SPTB: variants seen among roughly 807,000 people sequenced by gnomAD.
SPTB encodes the protein spectrin beta, erythrocytic, also known as spectrin beta chain, erythrocytic.
In SPTB, 45 loss-of-function variants were observed where a neutral mutation model predicts 256.2. The ratio of observed to expected loss-of-function variants is 0.18; its 90% CI spans 0.14 to 0.23. The LOEUF (loss-of-function observed/expected upper bound fraction) is 0.23, where lower values mean the gene tolerates loss of function less well. SPTB is among the 10% of genes least tolerant of loss of function. SPTB has a pLI of 1.00. For missense variants in SPTB, 2,715 were observed against 3,040.4 expected (o/e 0.89, Z 2.52); for synonymous variants, 1,231 against 1,243.1 (o/e 0.99, Z 0.21).
rs774849809 is a variant in SPTB at position 64,753,601 on chromosome 14, G to A, written c.6538C>T (p.Gln2180Ter). The A allele has an allele frequency of 6.2e-7, 1 of 1,613,646 alleles. No individual in the cohort carries two copies. Among genetic ancestry groups the A allele is most frequent in the Non-Finnish European group, 8.5e-7 (1 of 1,180,032 alleles). ...PAPRDHGQSV[Q>*]MEGYLGRKHD... ...TTGCGGCCCAGGTAGCCTTCCATCT[G>A]CACACTCTGCCCATGGTCCCGCGGG... is the stretch of plus-strand genomic sequence containing the variant. The change falls in exon 33 of 36, where the codon CAG becomes TAG. Residue 2180 changes from glutamine to a stop codon, truncating the protein, a stop_gained. Transcript: ENST00000644917. LOFTEE classifies it high-confidence loss of function.
intron 1 of SPTB, among the ~76,000 whole-genome samples, chr14:64,858,784 G>A (rs2083913630): frequency 6.6e-6 from 1 of 152,142 alleles, no homozygotes; most frequent in Non-Finnish European, 1.5e-5. Flanking sequence ...TGTCAGGAGA[G>A]CATCAGGGGA....
intron 27 of SPTB, among the ~76,000 whole-genome samples, chr14:64,770,567 C>A (rs77587730): frequency 0.058 from 8,758 of 152,254 alleles, 287 homozygotes; most frequent in Non-Finnish European, 0.083. Context: ...TAGACCTGCC[C>A]AGCTTTGGAT....
At chr14:64,762,249 C>T (rs1010998168) in intron 32 of SPTB, among the ~76,000 whole-genome samples, 2 of 152,218 alleles carry the variant, frequency 1.3e-5, no homozygotes, top group Non-Finnish European at 2.9e-5. Flanking sequence ...ATAGGATTTG[C>T]ATTCACTGCA....
At chr14:64,876,628 ATAAC>A (rs1174888498) in intron 1 of SPTB, among the ~76,000 whole-genome samples, 1 of 152,212 alleles carries the variant, frequency 6.6e-6, no homozygotes, top group Non-Finnish European at 1.5e-5. Context: ...CGTAATGTGT[ATAAC>A]TATTGTTTTA....
rs1406752729 is a variant in SPTB at position 64,759,129 on chromosome 14, C to T, written c.6346-5336G>A. Among the ~76,000 whole-genome samples, 3 of 152,180 alleles carry T rather than the reference C, an allele frequency of 2.0e-5. No homozygotes were observed. The highest frequency in any genetic ancestry group is 2.0e-4 in the Admixed American group (3 of 15,276). ...TCAGTGACGGGCTGAGATTAGAGCACACAGCAAGTCAGTAGCAGAGCTGAG... is the reference window on the plus strand; with the variant it reads ...TCAGTGACGGGCTGAGATTAGAGCATACAGCAAGTCAGTAGCAGAGCTGAG... On this transcript the variant is annotated intron_variant, in intron 32 of 35. Coordinates refer to ENST00000644917, the MANE Select transcript of SPTB (RefSeq NM_001355436.2). The surrounding 1 kb of genome is among the most constrained non-coding windows in gnomAD (Gnocchi z 4.8).
At chr14:64,834,088 G>T (rs540946092) in intron 1 of SPTB, among the ~76,000 whole-genome samples, 32 of 150,298 alleles carry the variant, frequency 2.1e-4, no homozygotes, top group Admixed American at 1.8e-3. Flanking sequence ...GTGCAGTGGC[G>T]CTATCTCGGC....
intron 2 of SPTB, among the ~76,000 whole-genome samples, chr14:64,813,617 G>A (rs541072774): frequency 1.3e-5 from 2 of 152,206 alleles, no homozygotes; most frequent in Non-Finnish European, 2.9e-5. Flanking sequence ...TGCCTCCTGG[G>A]TTCAAGCAAT....
chr14:64,794,379 C>A (rs1296572858), intron 13 of SPTB, 88 bp downstream of exon 13: 3 of 1,546,058 alleles, frequency 1.9e-6, no homozygotes, highest in Non-Finnish European at 2.7e-6. Flanking sequence ...AAAGTTGGTT[C>A]CAGGAGATTT....
Position 64,749,146 on chromosome 14 carries a change from G to C in SPTB, c.*160C>G. The C allele has an allele frequency of 1.3e-6, 1 of 795,216 alleles. No homozygotes were observed. Among genetic ancestry groups the C allele is most frequent in the South Asian group, 1.8e-5 (1 of 56,528 alleles). 49.3% of individuals were successfully genotyped at this position (795,216 alleles called of 1,614,324 possible). A position where few individuals can be genotyped will look rare whatever the true frequency, so the allele number is the denominator to read the frequency against. On this transcript the variant is annotated 3_prime_UTR_variant, in exon 36 of 36. Transcript: ENST00000644917. The surrounding 1 kb of genome is among the most constrained non-coding windows in gnomAD (Gnocchi z 4.7). ...GAGGGGGCGTCGGCCCAGGACACGC[G>C]GGCGAAGGCAGCTTTTGCAGTGCAG...
chr14:64,843,106 T>C (rs1871077304), intron 1 of SPTB, among the ~76,000 whole-genome samples: 1 of 152,180 alleles, frequency 6.6e-6, no homozygotes, highest in Non-Finnish European at 1.5e-5. Flanking sequence ...GTAGAAACTT[T>C]TTATCATCAG....
rs1241388219 is a variant in SPTB at position 64,790,631 on chromosome 14, G to C, written c.2804+1088C>G. On this transcript the variant is annotated intron_variant, in intron 15 of 35. Coordinates refer to ENST00000644917, the MANE Select transcript of SPTB (RefSeq NM_001355436.2). The surrounding 1 kb of genome is among the most constrained non-coding windows in gnomAD (Gnocchi z 4.8). ...TTAGCCCCCCAGTGAACTCTCCACT[G>C]TGCCGATCCCTTTCTTTACAATGGA... 6.6e-6 allele frequency among the ~76,000 whole-genome samples: 1 copy of C among 152,182 alleles called. No individual in the cohort carries two copies. The highest frequency in any genetic ancestry group is 1.9e-4 in the East Asian group (1 of 5,196).
chr14:64,833,427 T>A (rs1000243871), intron 1 of SPTB, among the ~76,000 whole-genome samples: 9 of 151,966 alleles, frequency 5.9e-5, no homozygotes, highest in Non-Finnish European at 1.3e-4. Context: ...GGCGCACACC[T>A]GTAGTCCCAG....
Position 64,749,451 on chromosome 14 carries a change from T to G in SPTB, c.6842A>C (p.Gln2281Pro). Residue 2281 changes from glutamine (Q) to proline (P), a missense_variant, in exon 36 of 36, where the codon CAG (glutamine) becomes CCG (proline). Physicochemically the swap from Gln to Pro is moderately conservative, Grantham distance 76. Around this residue, in one of 4 missense-constraint regions of SPTB, gnomAD observed 2,239 missense variants for 2,384.4 expected, o/e 0.94. Coordinates refer to ENST00000644917, the MANE Select transcript of SPTB (RefSeq NM_001355436.2). This position sits in a 1 kb window ranked among gnomAD's most constrained non-coding sequence, Gnocchi z 4.7. The part of the protein sequence containing the change: ...KDEEEMLSWL[Q>P]GVSTAINESQ... ...CTCGTTGATGGCGGTGCTCACGCCCTGCAGCCAGGACAGCATCTCCTCCTG... is the reference window on the plus strand; with the variant it reads ...CTCGTTGATGGCGGTGCTCACGCCCGGCAGCCAGGACAGCATCTCCTCCTG... 1 of 1,602,066 alleles carries G rather than the reference T, an allele frequency of 6.2e-7. No homozygotes were observed. Among genetic ancestry groups the G allele is most frequent in the Non-Finnish European group, 8.5e-7 (1 of 1,178,560 alleles).
At position 64,773,102 on chromosome 14, in the gene SPTB, T is replaced by C. The variant is rs879163839; in HGVS notation, c.5178+118A>G. ...CCCAGGGCAGGCCTGCATCGGCTGG[T>C]CCCGCCTCACACTGGGGAGGTTACG... On this transcript the variant is annotated intron_variant, in intron 25 of 35. Transcript: ENST00000644917. The C allele has an allele frequency of 6.9e-5, 106 of 1,533,774 alleles. No homozygotes were observed. In the African/African-American group the frequency reaches 1.3e-3, roughly 19 times the overall value.
chr14:64,752,301 C>G, intron 33 of SPTB: 1 of 1,283,674 alleles, frequency 7.8e-7, no homozygotes. Context: ...CCTCTCCTCT[C>G]CCTCTTCTCC....
At chr14:64,815,857 G>A (rs113141141) in intron 2 of SPTB, among the ~76,000 whole-genome samples, 1 of 152,174 alleles carries the variant, frequency 6.6e-6, no homozygotes, top group African/African-American at 2.4e-5. Context: ...TCAAGCCCCT[G>A]GTGTTACAGG....
intron 32 of SPTB, among the ~76,000 whole-genome samples, chr14:64,762,837 C>T (rs1430927860): frequency 6.6e-6 from 1 of 152,232 alleles, no homozygotes; most frequent in Non-Finnish European, 1.5e-5. Flanking sequence ...GTCTGCACTA[C>T]AGCCTGGATC....
chr14:64,867,593 C>A (rs750589995), intron 1 of SPTB, among the ~76,000 whole-genome samples: 64 of 152,236 alleles, frequency 4.2e-4, no homozygotes, highest in Non-Finnish European at 7.4e-4. Context: ...GAGGCTTATG[C>A]CTGTAATCCC....
chr14:64,796,595 C>G lies in SPTB; in HGVS notation c.1303G>C (p.Glu435Gln), dbSNP rs149521594. The part of the protein sequence containing the change: ...RRFDRKAAMR[E>Q]TWLSENQRLV... ...CGCTGGTTTTCACTGAGCCAGGTCT[C>G]TCTCATTGCGGCCTTCCGGTCAAAG... Residue 435 changes from glutamate to glutamine, a missense_variant, in exon 11 of 36, where the codon GAG (glutamate) becomes CAG (glutamine). By Grantham distance (29) the Glu-to-Gln change is conservative. Coordinates refer to ENST00000644917, the MANE Select transcript of SPTB (RefSeq NM_001355436.2). The surrounding 1 kb of genome is among the most constrained non-coding windows in gnomAD (Gnocchi z 4.1). The G allele has an allele frequency of 5.8e-4, 941 of 1,614,258 alleles. No homozygotes were observed. Among genetic ancestry groups the G allele is most frequent in the Non-Finnish European group, 7.4e-4 (875 of 1,180,048 alleles).
Sources: gnomAD v4.1 joint callset for allele counts (sites outside exome capture counted in the v4.1 genomes callset) on GRCh38, gnomAD v4.1.1 for gene constraint, gnomAD v4.1.1 regional missense constraint, Gnocchi (gnomAD v3.1) non-coding constraint, MANE v1.5 for transcripts, NCBI Gene and HGNC (gene_info 2026-07-23, HGNC 2026-07-21) for gene names.